CTNND2: variants seen among roughly 807,000 people sequenced by gnomAD.
The protein encoded by CTNND2 is catenin delta-2.
Under a neutral mutation model 144.4 loss-of-function variants are expected in CTNND2, and 22 were observed. The observed-to-expected ratio is 0.15, with a 90% CI of 0.11 to 0.22. CTNND2 has a LOEUF of 0.22. CTNND2 is among the 10% of genes least tolerant of loss of function. The pLI, the probability that CTNND2 is intolerant of heterozygous loss-of-function variation, is 1.00. For synonymous variants in CTNND2, 751 were observed against 695.6 expected (o/e 1.08, Z -1.25); for missense variants, 1,353 against 1,618.8 (o/e 0.84, Z 2.82).
intron 3 of CTNND2, among the ~76,000 whole-genome samples, chr5:11,524,770 C>T (rs911796312): frequency 1.3e-4 from 20 of 152,124 alleles, no homozygotes; most frequent in Non-Finnish European, 2.5e-4. Context: ...ATAATATACA[C>T]TAGAGCTTGT....
intron 1 of CTNND2, among the ~76,000 whole-genome samples, chr5:11,791,278 G>A (rs541579671): frequency 3.5e-4 from 53 of 152,278 alleles, no homozygotes; most frequent in Middle Eastern, 3.4e-3. Flanking sequence ...AGCAGCCTGC[G>A]GGGTATGGGC....
intron 1 of CTNND2, among the ~76,000 whole-genome samples, chr5:11,890,042 T>C (rs187244456): frequency 5.6e-4 from 86 of 152,334 alleles, no homozygotes; most frequent in Non-Finnish European, 1.6e-4. Flanking sequence ...TAATTATATA[T>C]GTTGTGTACT....
intron 3 of CTNND2, among the ~76,000 whole-genome samples, chr5:11,548,939 T>A (rs569639658): frequency 6.6e-6 from 1 of 152,340 alleles, no homozygotes; most frequent in Admixed American, 6.5e-5. Context: ...TAGCCAAACA[T>A]AATAACTGTT....
At chr5:11,467,233 A>G (rs1766765087) in intron 3 of CTNND2, among the ~76,000 whole-genome samples, 1 of 152,248 alleles carries the variant, frequency 6.6e-6, no homozygotes, top group Non-Finnish European at 1.5e-5. Context: ...CAGCTCTCCC[A>G]GGCTGGCCTG....
chr5:11,332,621 C>T (rs1421716395), intron 9 of CTNND2, among the ~76,000 whole-genome samples: 1 of 152,152 alleles, frequency 6.6e-6, no homozygotes, highest in Non-Finnish European at 1.5e-5. Context: ...AAATTCTATA[C>T]CCATTACACA....
At chr5:11,860,168 T>C (rs915994637) in intron 1 of CTNND2, among the ~76,000 whole-genome samples, 2 of 152,236 alleles carry the variant, frequency 1.3e-5, no homozygotes, top group African/African-American at 4.8e-5. Flanking sequence ...CCATAAAATA[T>C]TTTAATCTCA....
At chr5:11,633,294 T>C (rs945466541) in intron 2 of CTNND2, among the ~76,000 whole-genome samples, 3 of 152,056 alleles carry the variant, frequency 2.0e-5, no homozygotes, top group African/African-American at 4.8e-5. Flanking sequence ...AAATTAACAA[T>C]TGACTTCTCA....
chr5:11,189,005 T>C (rs1735969932), intron 11 of CTNND2, among the ~76,000 whole-genome samples: 1 of 152,232 alleles, frequency 6.6e-6, no homozygotes, highest in African/African-American at 2.4e-5. Flanking sequence ...CAGTTTATTG[T>C]CTGTCTTGTC....
intron 9 of CTNND2, among the ~76,000 whole-genome samples, chr5:11,336,619 C>T (rs989434075): frequency 6.6e-6 from 1 of 152,118 alleles, no homozygotes; most frequent in Admixed American, 6.5e-5. Flanking sequence ...TGGATAAATG[C>T]ATGCAGAGCC....
intron 9 of CTNND2, among the ~76,000 whole-genome samples, chr5:11,322,220 C>T (rs1036998387): frequency 3.3e-5 from 5 of 152,156 alleles, no homozygotes; most frequent in Non-Finnish European, 7.3e-5. Context: ...CTAACTGCTC[C>T]TGCTCAGCCT....
chr5:11,010,688 C>G (rs1452831705), intron 18 of CTNND2, among the ~76,000 whole-genome samples: 1 of 152,176 alleles, frequency 6.6e-6, no homozygotes, highest in Non-Finnish European at 1.5e-5. Flanking sequence ...TTCCCTTACC[C>G]ATCTATAATT....
At chr5:11,662,577 G>A (rs1051555828) in intron 2 of CTNND2, among the ~76,000 whole-genome samples, 1 of 152,064 alleles carries the variant, frequency 6.6e-6, no homozygotes, top group African/African-American at 2.4e-5. Flanking sequence ...GGGTGGGTCT[G>A]TCTTTCCCAG....
chr5:11,252,397 A>G (rs1313567922), intron 9 of CTNND2, among the ~76,000 whole-genome samples: 1 of 152,218 alleles, frequency 6.6e-6, no homozygotes, highest in East Asian at 1.9e-4. Context: ...CCTTAGTTCT[A>G]TGTCTATAGA....
chr5:11,383,267 G>T (rs1758703390), intron 7 of CTNND2, among the ~76,000 whole-genome samples: 1 of 152,134 alleles, frequency 6.6e-6, no homozygotes, highest in African/African-American at 2.4e-5. Flanking sequence ...GCATGGCTGA[G>T]AAGGGTGTCA....
chr5:11,240,531 CACCCA>C (rs1742233803), intron 9 of CTNND2, among the ~76,000 whole-genome samples: 1 of 128,332 alleles, frequency 7.8e-6, no homozygotes, highest in Non-Finnish European at 1.6e-5. Context: ...CCAACACACA[CACCCA>C]ACACACACAC....
intron 3 of CTNND2, among the ~76,000 whole-genome samples, chr5:11,447,342 CAAA>C (rs1166103735): frequency 1.1e-5 from 1 of 95,196 alleles, no homozygotes; most frequent in African/African-American, 3.6e-5. Context: ...ATGCCGTTTA[CAAA>C]AAAAAAAAAA....
chr5:11,548,184 G>GT (rs1208473962), intron 3 of CTNND2, among the ~76,000 whole-genome samples: 1 of 152,142 alleles, frequency 6.6e-6, no homozygotes, highest in Non-Finnish European at 1.5e-5. Flanking sequence ...GGCAAACCAC[G>GT]TAATACTTTA....
intron 3 of CTNND2, among the ~76,000 whole-genome samples, chr5:11,537,987 A>G (rs1328575129): frequency 6.6e-6 from 1 of 152,234 alleles, no homozygotes. Context: ...CTGAAGCAGC[A>G]TGAGAGCTTG....
At chr5:11,182,821 A>G (rs112425761) in intron 11 of CTNND2, among the ~76,000 whole-genome samples, 242 of 152,294 alleles carry the variant, frequency 1.6e-3, no homozygotes, top group African/African-American at 5.3e-3. Flanking sequence ...TTCCATAGCA[A>G]CTCAGATTGT....
Sources: gnomAD v4.1 joint callset for allele counts (sites outside exome capture counted in the v4.1 genomes callset) on GRCh38, gnomAD v4.1.1 for gene constraint, MANE v1.5 for transcripts, NCBI Gene and HGNC (gene_info 2026-07-23, HGNC 2026-07-21) for gene names.